Variants in HLCS observed in about 807,000 individuals in gnomAD.
The protein encoded by HLCS is biotin--protein ligase.
HLCS carries 53 observed loss-of-function variants against 75.0 expected under a neutral mutation model. The ratio of observed to expected loss-of-function variants is 0.71; its 90% confidence interval spans 0.57 to 0.89. HLCS has a LOEUF of 0.89. HLCS is among the 40% of genes least tolerant of loss of function. The probability of loss-of-function intolerance (pLI) is 0.00; values close to 1 mark genes in which losing one functional copy is unlikely to be tolerated. For synonymous variants in HLCS, 431 were observed against 428.6 expected (o/e 1.01, Z -0.07); for missense variants, 966 against 1,074.0 (o/e 0.90, Z 1.41).
At position 36,752,978 on chromosome 21, in the gene HLCS, C is replaced by G. The variant is rs1454992998; in HGVS notation, c.*1268G>C. 1 of 152,618 alleles carries G rather than the reference C, an allele frequency of 6.6e-6. No individual in the cohort carries two copies. The highest frequency in any genetic ancestry group is 1.5e-5 in the Non-Finnish European group (1 of 68,046). 9.5% of individuals were successfully genotyped at this position (152,618 alleles called of 1,614,324 possible). A position where few individuals can be genotyped will look rare whatever the true frequency, so the allele number is the denominator to read the frequency against. ...GGACAAAAATTGGCCTTTTAAAAAG[C>G]TGAAAAGTAATGAGTATGATTCATA... On this transcript the variant is annotated 3_prime_UTR_variant, in exon 11 of 11. Transcript: ENST00000674895.
chr21:36,930,396 T>C lies in HLCS; in HGVS notation c.1475A>G (p.Gln492Arg). ...LELPPSSNIV[Q>R]TPEDFNLLKS... ...GAGCAAGTTAAAATCTTCTGGAGTT[T>C]GCACTATGTTGGAGCTGGGAGGTAG... The change falls in exon 5 of 11, where the codon CAA becomes CGA. Residue 492 changes from glutamine to arginine, a missense_variant. Transcript: ENST00000674895. 6.2e-7 allele frequency: 1 copy of C among 1,614,230 alleles called. No individual in the cohort carries two copies. The highest frequency in any genetic ancestry group is 8.5e-7 in the Non-Finnish European group (1 of 1,180,034).
intron 6 of HLCS, among the ~76,000 whole-genome samples, chr21:36,777,895 A>G (rs1264716541): frequency 6.6e-6 from 1 of 152,210 alleles, no homozygotes; most frequent in East Asian, 1.9e-4. Flanking sequence ...AGATAAATCT[A>G]TTTCTCATGA....
At chr21:36,882,990 T>C (rs1458349654) in intron 6 of HLCS, among the ~76,000 whole-genome samples, 2 of 152,128 alleles carry the variant, frequency 1.3e-5, no homozygotes, top group Non-Finnish European at 2.9e-5. Context: ...TCTCACTAAT[T>C]TGAATACTCT....
intron 6 of HLCS, among the ~76,000 whole-genome samples, chr21:36,894,219 C>T (rs537983917): frequency 7.9e-5 from 12 of 152,320 alleles, no homozygotes; most frequent in Admixed American, 2.6e-4. Context: ...TTCCTGCGGC[C>T]TCCCCAGCCA....
chr21:36,934,910 C>T (rs1023714479), intron 4 of HLCS, among the ~76,000 whole-genome samples: 1 of 152,208 alleles, frequency 6.6e-6, no homozygotes, highest in Non-Finnish European at 1.5e-5. Context: ...TCAAAAATGA[C>T]ATTCTAATCC....
At chr21:36,880,914 G>A (rs3787767) in intron 6 of HLCS, among the ~76,000 whole-genome samples, 11,745 of 152,056 alleles carry the variant, frequency 0.077, 807 homozygotes, top group East Asian at 0.25. Context: ...CCCCTCCTGC[G>A]TTCTGGGTGT....
chr21:36,980,101 T>C (rs1222874821), intron 1 of HLCS, among the ~76,000 whole-genome samples: 3 of 141,300 alleles, frequency 2.1e-5, no homozygotes, highest in Non-Finnish European at 4.5e-5. Flanking sequence ...AAAGGGAGGA[T>C]TGCTTGAGCC....
intron 6 of HLCS, among the ~76,000 whole-genome samples, chr21:36,820,057 C>T (rs529837281): frequency 2.2e-4 from 33 of 152,304 alleles, no homozygotes; most frequent in South Asian, 2.1e-3. Context: ...CCAGGCTGTG[C>T]GACCCATGGA....
chr21:36,947,556 C>T, intron 2 of HLCS: 1 of 985,390 alleles, frequency 1.0e-6, no homozygotes, highest in Non-Finnish European at 1.2e-6. Flanking sequence ...AAGCAAAAGG[C>T]TCACTCCCAA....
At chr21:36,912,722 C>T (rs1368277596) in intron 5 of HLCS, among the ~76,000 whole-genome samples, 2 of 152,108 alleles carry the variant, frequency 1.3e-5, no homozygotes, top group African/African-American at 2.4e-5. Context: ...AGTTCCTTTA[C>T]TCTCACAAAG....
At chr21:36,947,322 T>C (rs1366148570) in intron 2 of HLCS, 1 of 984,952 alleles carries the variant, frequency 1.0e-6, no homozygotes, top group Non-Finnish European at 1.2e-6. Context: ...CTCTGCCAAC[T>C]GTTTCCTCAC....
In HLCS at chr21:36,941,893, G is replaced by A. The variant is rs570106919; in HGVS notation, c.331-2899C>T. On this transcript the variant is annotated intron_variant, in intron 2 of 10. Coordinates refer to ENST00000674895, the MANE Select transcript of HLCS (RefSeq NM_001352514.2). ...GTGCTGGCGGGTGCCTGTAATCCCAGCTACTCAGGAGGCTAAGGCAGAAGA... is the reference window on the plus strand; with the variant it reads ...GTGCTGGCGGGTGCCTGTAATCCCAACTACTCAGGAGGCTAAGGCAGAAGA... Among the ~76,000 whole-genome samples the A allele has an allele frequency of 2.6e-5, 4 of 152,232 alleles. No homozygotes were observed. The South Asian group carries it at 8.3e-4, about 32-fold the overall frequency.
chr21:36,755,467 T>C (rs972232249), intron 10 of HLCS, among the ~76,000 whole-genome samples: 1 of 152,092 alleles, frequency 6.6e-6, no homozygotes, highest in Non-Finnish European at 1.5e-5. Context: ...TCTGCTTAAA[T>C]ACTTTATCTC....
chr21:36,756,235 G>A (rs570222602), intron 10 of HLCS, among the ~76,000 whole-genome samples: 10 of 150,958 alleles, frequency 6.6e-5, no homozygotes, highest in South Asian at 4.2e-4. Context: ...TCAGGAGATC[G>A]AGACCATCCT....
intron 5 of HLCS, among the ~76,000 whole-genome samples, chr21:36,917,367 A>AC (rs2065977068): frequency 6.6e-6 from 1 of 152,204 alleles, no homozygotes; most frequent in Non-Finnish European, 1.5e-5. Context: ...CTGAAAAACC[A>AC]CAGATTTCCA....
At chr21:36,798,874 ATTGAG>A (rs1444438471) in intron 6 of HLCS, among the ~76,000 whole-genome samples, 1 of 152,202 alleles carries the variant, frequency 6.6e-6, no homozygotes, top group Non-Finnish European at 1.5e-5. Flanking sequence ...TTTTAAAAAA[ATTGAG>A]TTGTCTTAAT....
chr21:36,896,336 C>G (rs576718311), intron 6 of HLCS, among the ~76,000 whole-genome samples: 1 of 152,326 alleles, frequency 6.6e-6, no homozygotes, highest in South Asian at 2.1e-4. Context: ...GGTGACAGAG[C>G]AAGATCCTAT....
At chr21:36,772,789 C>T (rs1166734959) in intron 6 of HLCS, among the ~76,000 whole-genome samples, 1 of 152,040 alleles carries the variant, frequency 6.6e-6, no homozygotes, top group Non-Finnish European at 1.5e-5. Flanking sequence ...TCGAGACCAT[C>T]CTGGCCAACA....
intron 2 of HLCS, among the ~76,000 whole-genome samples, chr21:36,960,208 G>A (rs1367436059): frequency 1.4e-5 from 2 of 145,178 alleles, no homozygotes; most frequent in East Asian, 2.0e-4. Flanking sequence ...CCTGGTAGGT[G>A]TGCAATCTGA....
Sources: gnomAD v4.1 joint callset for allele counts (sites outside exome capture counted in the v4.1 genomes callset) on GRCh38, gnomAD v4.1.1 for gene constraint, MANE v1.5 for transcripts, NCBI Gene and HGNC (gene_info 2026-07-23, HGNC 2026-07-21) for gene names.